IL21R: variants seen among roughly 807,000 people sequenced by gnomAD.
IL21R encodes interleukin-21 receptor.
A neutral mutation model predicts 41.3 loss-of-function variants in IL21R; 14 were observed. The observed-to-expected ratio is 0.34, with a 90% CI of 0.22 to 0.53. The LOEUF (loss-of-function observed/expected upper bound fraction) is 0.53. IL21R is among the 20% of genes least tolerant of loss of function. The pLI, the probability that IL21R is intolerant of heterozygous loss-of-function variation, is 0.94. For missense variants in IL21R, 588 were observed against 681.6 expected, an observed-to-expected ratio of 0.86 and a Z score of 1.53; for synonymous variants, 286 against 287.6, an observed-to-expected ratio of 0.99 and a Z score of 0.05.
chr16:27,442,712 G>A, intron 4 of IL21R: 1 of 337,034 alleles, frequency 3.0e-6, no homozygotes, highest in Non-Finnish European at 5.4e-6. Context: ...TCCTCTCTGT[G>A]ACCTGCCCGC....
chr16:27,448,885 G>A lies in IL21R; in HGVS notation c.1219G>A (p.Gly407Ser), dbSNP rs1844375450. 1 of 1,612,252 alleles carries A rather than the reference G, an allele frequency of 6.2e-7. No homozygotes were observed. The highest frequency in any genetic ancestry group is 8.5e-7 in the Non-Finnish European group (1 of 1,179,440). ...CTACCCAGCCCTGGACCTGGATGCT[G>A]GCCTGGAGCCCAGCCCAGGCCTAGA... ...DGYPALDLDA[G>S]LEPSPGLEDP... The change falls in exon 9 of 9, where the codon GGC (glycine) becomes AGC (serine). Residue 407 changes from glycine (G) to serine (S), a missense_variant. Gly to Ser is a moderately conservative substitution (Grantham distance 56, BLOSUM62 0). Coordinates refer to ENST00000337929, the MANE Select transcript of IL21R (RefSeq NM_181078.3).
At chr16:27,444,517 G>C (rs761557482) in intron 5 of IL21R, 25 bp from the exon 6 acceptor site, 2 of 1,449,638 alleles carry the variant, frequency 1.4e-6, no homozygotes, top group African/African-American at 1.5e-5. Context: ...CCCTGACCTG[G>C]TGCATCCTTT....
chr16:27,428,599 C>T (rs569834962), intron 1 of IL21R, among the ~76,000 whole-genome samples: 191 of 152,378 alleles, frequency 1.3e-3, no homozygotes, highest in African/African-American at 4.1e-3. Flanking sequence ...CTCAAACAGA[C>T]ACAGAGCTGG....
In IL21R at chr16:27,449,438, ATGTGTGTGTG is replaced by A. The variant is rs935525065; in HGVS notation, c.*158_*167del. The A allele has an allele frequency of 2.8e-5, 20 of 709,872 alleles. No individual in the cohort carries two copies. Among genetic ancestry groups the A allele is most frequent in the African/African-American group, 2.6e-4 (14 of 54,632 alleles). The allele number at this position is 709,872 out of a possible 1,614,324, so 44.0% of individuals were successfully genotyped here. On this transcript the variant is annotated 3_prime_UTR_variant, in exon 9 of 9. Transcript: ENST00000337929. ...ACAGTGTCTGTGTGTGTGTGTGCAT[ATGTGTGTGTG>A]TGCATATGCATGTGTGTGTGTGTGT... is the stretch of plus-strand genomic sequence containing the variant.
At chr16:27,420,984 A>G (rs2086991071) in intron 1 of IL21R, among the ~76,000 whole-genome samples, 1 of 152,192 alleles carries the variant, frequency 6.6e-6, no homozygotes, top group Non-Finnish European at 1.5e-5. Flanking sequence ...AAATTTTTGT[A>G]TACGGTGTGA....
At position 27,444,725 on chromosome 16, in the gene IL21R, T is replaced by A. The variant is rs1279176414; in HGVS notation, c.685+6T>A. ...CTTTCAGACCCAGTCAGAGGGTAGG[T>A]GTGAAGCTGGGATGGACACCCCACT... On this transcript the variant is annotated splice_donor_region_variant and intron_variant, in intron 6 of 8. Coordinates refer to ENST00000337929, the MANE Select transcript of IL21R (RefSeq NM_181078.3). 14 of 1,483,092 alleles carry A rather than the reference T, an allele frequency of 9.4e-6. No homozygotes were observed. Among genetic ancestry groups the A allele is most frequent in the Non-Finnish European group, 1.3e-5 (14 of 1,115,500 alleles). The allele number at this position is 1,483,092 out of a possible 1,614,324, so 91.9% of individuals were successfully genotyped here.
At chr16:27,412,885 T>G (rs1163545112) in intron 1 of IL21R, among the ~76,000 whole-genome samples, 4 of 152,138 alleles carry the variant, frequency 2.6e-5, no homozygotes, top group African/African-American at 9.7e-5. Flanking sequence ...ATATTTAGGG[T>G]TTCCTACATA....
At chr16:27,434,225 T>TA (rs2087224864) in intron 2 of IL21R, 122 bp from the exon 3 acceptor site, 1 of 644,116 alleles carries the variant, frequency 1.6e-6, no homozygotes, top group Non-Finnish European at 2.8e-6. Context: ...TGAGTCCTCA[T>TA]ATTTGTCCCG....
chr16:27,408,675 C>T (rs2086783048), intron 1 of IL21R, among the ~76,000 whole-genome samples: 1 of 152,164 alleles, frequency 6.6e-6, no homozygotes, highest in East Asian at 1.9e-4. Context: ...CTTCTGGTGA[C>T]CTGTTGGCTC....
At chr16:27,410,687 T>C (rs1443696109) in intron 1 of IL21R, among the ~76,000 whole-genome samples, 1 of 152,214 alleles carries the variant, frequency 6.6e-6, no homozygotes, top group African/African-American at 2.4e-5. Flanking sequence ...AACCAGTAGA[T>C]CTTTTTTACC....
At chr16:27,420,435 C>T (rs1596574130) in intron 1 of IL21R, among the ~76,000 whole-genome samples, 1 of 152,196 alleles carries the variant, frequency 6.6e-6, no homozygotes, top group East Asian at 1.9e-4. Context: ...ACAGTGGCTG[C>T]ACCATTTTAC....
chr16:27,403,744 G>A (rs754300337), intron 1 of IL21R, among the ~76,000 whole-genome samples: 36 of 152,164 alleles, frequency 2.4e-4, no homozygotes, highest in Non-Finnish European at 4.3e-4. Context: ...CCATGGAGAC[G>A]GGCCCGACTC....
At chr16:27,441,372 A>G (rs552470416) in intron 4 of IL21R, among the ~76,000 whole-genome samples, 1 of 152,368 alleles carries the variant, frequency 6.6e-6, no homozygotes, top group East Asian at 1.9e-4. Context: ...GAGCAAAAAC[A>G]GAATGCCGGC....
chr16:27,415,514 T>C (rs2086883688), intron 1 of IL21R, among the ~76,000 whole-genome samples: 1 of 152,268 alleles, frequency 6.6e-6, no homozygotes, highest in South Asian at 2.1e-4. Context: ...GTTGACTTTC[T>C]GGACAGCCAA....
chr16:27,420,885 C>T (rs1434304028), intron 1 of IL21R, among the ~76,000 whole-genome samples: 1 of 152,008 alleles, frequency 6.6e-6, no homozygotes, highest in Admixed American at 6.6e-5. Flanking sequence ...ATTATTGTCT[C>T]ATACAAGGTC....
intron 1 of IL21R, among the ~76,000 whole-genome samples, chr16:27,410,845 G>T (rs762308554): frequency 6.6e-6 from 1 of 152,120 alleles, no homozygotes; most frequent in Admixed American, 6.5e-5. Flanking sequence ...CCAGTCCCTG[G>T]CAATCAGCAT....
At chr16:27,420,827 C>T (rs1235457278) in intron 1 of IL21R, among the ~76,000 whole-genome samples, 1 of 152,048 alleles carries the variant, frequency 6.6e-6, no homozygotes, top group East Asian at 1.9e-4. Context: ...TTTAATAGAT[C>T]TATTTTTTCT....
intron 1 of IL21R, among the ~76,000 whole-genome samples, chr16:27,407,113 C>T (rs1307581163): frequency 6.6e-6 from 1 of 152,192 alleles, no homozygotes; most frequent in Non-Finnish European, 1.5e-5. Context: ...CTCTTAGGGG[C>T]TGTCTCCATT....
rs558121534 is a variant in IL21R, at chr16:27,436,664, A to G, written c.153-824A>G. ...TTTGTCCAGTGGGAGTTAAAAAGCC[A>G]CAGCATTTTCCCTAATCCCATCCCA... On this transcript the variant is annotated intron_variant, in intron 3 of 8. Transcript: ENST00000337929. Among the ~76,000 whole-genome samples the G allele has an allele frequency of 3.3e-5, 5 of 152,340 alleles. No homozygotes were observed. In the South Asian group the frequency reaches 1.0e-3, roughly 32 times the overall value.
Sources: gnomAD v4.1 joint callset for allele counts (sites outside exome capture counted in the v4.1 genomes callset) on GRCh38, gnomAD v4.1.1 for gene constraint, MANE v1.5 for transcripts, NCBI Gene and HGNC (gene_info 2026-07-23, HGNC 2026-07-21) for gene names.